Variants in GAK observed in about 807,000 individuals in gnomAD.
GAK encodes cyclin-G-associated kinase.
A neutral mutation model predicts 143.9 loss-of-function variants in GAK; 79 were observed. The observed-to-expected ratio is 0.55, with a 90% CI of 0.46 to 0.66. The LOEUF is 0.66. Among genes scored for constraint, GAK ranks in the 30% least tolerant of loss-of-function variants. The pLI is 0.00. For synonymous variants in GAK, 881 were observed against 765.5 expected (o/e 1.15, Z -2.49); for missense variants, 1,693 against 1,779.7 (o/e 0.95, Z 0.88).
chr4:896,399 G>A (rs894001913), intron 7 of GAK, 61 bp downstream of exon 7: 26 of 1,381,772 alleles, frequency 1.9e-5, no homozygotes, highest in East Asian at 2.3e-5. Flanking sequence ...GGCCCACGCC[G>A]CCTCAGGTTA....
chr4:854,749 A>AAAT (rs1748827428), intron 24 of GAK, among the ~76,000 whole-genome samples: 1 of 152,214 alleles, frequency 6.6e-6, no homozygotes, highest in Non-Finnish European at 1.5e-5. Flanking sequence ...TCCATTACAA[A>AAAT]AATATTCCAG....
Position 883,441 on chromosome 4 carries a change from AC to A in GAK, c.1277del (p.Gly426ValfsTer116), listed in dbSNP as rs1295721401. 6.2e-7 allele frequency: 1 copy of A among 1,613,606 alleles called. No homozygotes were observed. Among genetic ancestry groups the A allele is most frequent in the South Asian group, 1.1e-5 (1 of 91,092 alleles). ...TGTTGTTTTTGAGCGCTGACTCCAC[AC>A]CTTCTGCTGGGAATGACATCACTGA... ...RIAVMSFPAEGVESALKNNIE... is the reference protein window; with the variant it reads ...RIAVMSFPAEXVESALKNNIE... On this transcript the variant is annotated frameshift_variant, in exon 13 of 28. Transcript: ENST00000314167. LOFTEE classifies it high-confidence loss of function.
chr4:866,586 A>C, intron 21 of GAK, 52 bp from the exon 22 acceptor site: 1 of 1,580,770 alleles, frequency 6.3e-7, no homozygotes, highest in Non-Finnish European at 8.6e-7. Context: ...CCTGAAGACA[A>C]AGGAGCCCAG....
At chr4:870,579 C>T (rs1712346234) in intron 19 of GAK, 132 bp downstream of exon 19, 6 of 860,044 alleles carry the variant, frequency 7.0e-6, no homozygotes, top group Admixed American at 2.8e-5. Context: ...CCTCCTGCAG[C>T]CCAAGCTGCT....
At chr4:898,822 C>T (rs559040071) in intron 5 of GAK, among the ~76,000 whole-genome samples, 4 of 152,112 alleles carry the variant, frequency 2.6e-5, no homozygotes, top group South Asian at 2.1e-4. Context: ...GAGATTGCGC[C>T]GCTGCACTCC....
chr4:917,148 A>G (rs1723197699), intron 1 of GAK, among the ~76,000 whole-genome samples: 1 of 152,276 alleles, frequency 6.6e-6, no homozygotes, highest in Non-Finnish European at 1.5e-5. Flanking sequence ...AGGCCAAAAA[A>G]AGAGAGTACA....
Position 883,304 on chromosome 4 carries a change from T to C in GAK, c.1404+11A>G, listed in dbSNP as rs373720705. The C allele has an allele frequency of 1.6e-5, 26 of 1,612,704 alleles. No individual in the cohort carries two copies. In the South Asian group the frequency reaches 2.6e-4, roughly 16 times the overall value. Reference sequence around the variant, plus strand: ...CAGAGTGGCACCAAGACAAAGCCTGTGGCCACACACCCGGTTGTGGAACCT... The same window carrying C: ...CAGAGTGGCACCAAGACAAAGCCTGCGGCCACACACCCGGTTGTGGAACCT... On this transcript the variant is annotated intron_variant, in intron 13 of 27. Transcript: ENST00000314167.
intron 23 of GAK, among the ~76,000 whole-genome samples, chr4:862,696 G>A (rs1156403792): frequency 1.3e-5 from 2 of 151,820 alleles, no homozygotes; most frequent in South Asian, 2.1e-4. Context: ...CTCGGCTTGT[G>A]CCATAGAAAT....
intron 24 of GAK, chr4:853,221 C>G (rs1359440708): frequency 6.6e-6 from 1 of 152,312 alleles, no homozygotes; most frequent in Non-Finnish European, 1.5e-5. Context: ...GCCACTCCCC[C>G]TCCCTGCCAA....
intron 1 of GAK, among the ~76,000 whole-genome samples, chr4:929,687 TA>T (rs33930196): frequency 0.011 from 1,636 of 145,170 alleles, 25 homozygotes; most frequent in African/African-American, 0.034. Flanking sequence ...TCTCTTAAAT[TA>T]AAAAAAAAAA....
intron 23 of GAK, among the ~76,000 whole-genome samples, chr4:860,806 C>T (rs1008292276): frequency 4.0e-5 from 6 of 151,712 alleles, no homozygotes; most frequent in Non-Finnish European, 7.4e-5. Context: ...CTCGAGGGGA[C>T]GGGCACCCAG....
intron 19 of GAK, chr4:869,103 A>C: frequency 4.4e-6 from 1 of 229,330 alleles, no homozygotes; most frequent in South Asian, 5.4e-5. Flanking sequence ...GCACACACAG[A>C]TGCACAGTAT....
At chr4:865,460 G>A (rs926971480) in intron 22 of GAK, among the ~76,000 whole-genome samples, 2 of 149,300 alleles carry the variant, frequency 1.3e-5, no homozygotes, top group Non-Finnish European at 3.0e-5. Flanking sequence ...ACCAGCAGGC[G>A]GAGCAGCTCG....
chr4:856,298 CCTGCTCACCACAG>C (rs1431700033), intron 24 of GAK, among the ~76,000 whole-genome samples: 2 of 138,958 alleles, frequency 1.4e-5, no homozygotes, highest in Non-Finnish European at 3.0e-5. Context: ...GCTGCTCACC[CCTGCTCACCACAG>C]CTGCTCACAC....
intron 5 of GAK, among the ~76,000 whole-genome samples, chr4:903,106 G>A (rs1348569578): frequency 2.0e-5 from 3 of 152,234 alleles, no homozygotes; most frequent in East Asian, 1.9e-4. Flanking sequence ...GCCGGCAGCA[G>A]CACGGAGCGC....
At chr4:885,349 A>G (rs909848472) in intron 11 of GAK, among the ~76,000 whole-genome samples, 1 of 152,190 alleles carries the variant, frequency 6.6e-6, no homozygotes, top group Non-Finnish European at 1.5e-5. Context: ...GCCGAGGCAG[A>G]GAGATCACCT....
At chr4:893,677 G>C (rs1374880860) in intron 8 of GAK, among the ~76,000 whole-genome samples, 188 bp from the exon 9 acceptor site, 3 of 152,136 alleles carry the variant, frequency 2.0e-5, no homozygotes, top group African/African-American at 7.2e-5. Context: ...ACCACTCAGA[G>C]CACCGCAAAT....
At chr4:920,574 T>TG (rs1227378482) in intron 1 of GAK, among the ~76,000 whole-genome samples, 14 of 141,250 alleles carry the variant, frequency 9.9e-5, no homozygotes, top group African/African-American at 3.8e-4. Context: ...GACGGAGTCT[T>TG]GGTCTGTTGC....
chr4:890,606 C>T lies in GAK; in HGVS notation c.1007G>A (p.Gly336Glu). Residue 336 changes from glycine to glutamate, a missense_variant, in exon 10 of 28, where the codon GGA (glycine) becomes GAA (glutamate). Physicochemically the swap from Gly to Glu is moderately conservative, Grantham distance 98 (BLOSUM62 -2). This residue lies in a region of GAK where 871 missense variants were observed against 991.0 expected (regional missense o/e 0.88). Coordinates refer to ENST00000314167, the MANE Select transcript of GAK (RefSeq NM_005255.4). Reference sequence around the variant, plus strand: ...GGACAGTGTGGCGCTCCCGTAGCCTCCATTCTGCTCCAGGAGCTGTGACAA... The same window carrying T: ...GGACAGTGTGGCGCTCCCGTAGCCTTCATTCTGCTCCAGGAGCTGTGACAA... ...SPITELLEQN[G>E]GYGSATLSRG... 6.2e-7 allele frequency: 1 copy of T among 1,611,362 alleles called. No individual in the cohort carries two copies. Among genetic ancestry groups the T allele is most frequent in the South Asian group, 1.1e-5 (1 of 90,634 alleles).
Sources: gnomAD v4.1 joint callset for allele counts (sites outside exome capture counted in the v4.1 genomes callset) on GRCh38, gnomAD v4.1.1 for gene constraint, gnomAD v4.1.1 regional missense constraint, MANE v1.5 for transcripts, NCBI Gene and HGNC (gene_info 2026-07-23, HGNC 2026-07-21) for gene names.